SSBP2: variants seen among roughly 807,000 people sequenced by gnomAD.
The protein encoded by SSBP2 is single-stranded DNA-binding protein 2.
In SSBP2, 17 loss-of-function variants were observed where a neutral mutation model predicts 61.8. That is an observed-to-expected ratio of 0.28 (90% CI 0.19 to 0.41). The LOEUF is 0.41. SSBP2 is among the 10% of genes least tolerant of loss of function. SSBP2 has a pLI of 1.00. For missense variants in SSBP2, 310 were observed against 458.7 expected, an observed-to-expected ratio of 0.68 and a Z score of 2.96; for synonymous variants, 139 against 141.3, an observed-to-expected ratio of 0.98 and a Z score of 0.12.
At chr5:81,576,180 T>C (rs931768464) in intron 4 of SSBP2, among the ~76,000 whole-genome samples, 2 of 151,608 alleles carry the variant, frequency 1.3e-5, no homozygotes, top group African/African-American at 4.8e-5. Context: ...TCTTCCTCTA[T>C]CAGGCTTCTT....
At chr5:81,627,735 G>A (rs1282844686) in intron 3 of SSBP2, among the ~76,000 whole-genome samples, 1 of 151,990 alleles carries the variant, frequency 6.6e-6, no homozygotes, top group East Asian at 1.9e-4. Context: ...ACTTTAAAAG[G>A]TGCTCTATAT....
chr5:81,726,546 A>G (rs932480094), intron 1 of SSBP2, among the ~76,000 whole-genome samples: 2 of 152,228 alleles, frequency 1.3e-5, no homozygotes, highest in African/African-American at 2.4e-5. Flanking sequence ...GCATACTATT[A>G]CCAACTGAAG....
At chr5:81,445,799 A>T (rs1194843602) in intron 12 of SSBP2, among the ~76,000 whole-genome samples, 1 of 152,198 alleles carries the variant, frequency 6.6e-6, no homozygotes, top group Non-Finnish European at 1.5e-5. Context: ...CTTTATAATT[A>T]TTAAAATTTC....
intron 4 of SSBP2, among the ~76,000 whole-genome samples, chr5:81,593,203 T>G (rs958313369): frequency 6.6e-6 from 1 of 152,116 alleles, no homozygotes. Flanking sequence ...TGCAGAAGCC[T>G]CAGTAGCCGA....
At chr5:81,693,932 C>A (rs770333283) in intron 1 of SSBP2, among the ~76,000 whole-genome samples, 6 of 152,108 alleles carry the variant, frequency 3.9e-5, no homozygotes, top group African/African-American at 1.4e-4. Flanking sequence ...GCAATCTTAG[C>A]GTCCATCAAC....
chr5:81,640,501 C>T (rs180994098), intron 2 of SSBP2, among the ~76,000 whole-genome samples: 39 of 152,072 alleles, frequency 2.6e-4, no homozygotes, highest in African/African-American at 8.9e-4. Context: ...TTTAATTATC[C>T]TAAGTGGTAA....
At chr5:81,746,412 C>T (rs953821598) in intron 1 of SSBP2, among the ~76,000 whole-genome samples, 3 of 152,020 alleles carry the variant, frequency 2.0e-5, no homozygotes, top group African/African-American at 7.2e-5. Context: ...CTGAATTGTG[C>T]GAATTGCTGT....
At chr5:81,632,176 T>A (rs1747791924) in intron 3 of SSBP2, among the ~76,000 whole-genome samples, 1 of 152,240 alleles carries the variant, frequency 6.6e-6, no homozygotes. Flanking sequence ...ATTTCTTTTG[T>A]CATTATATAG....
At chr5:81,685,124 C>T (rs1365627362) in intron 1 of SSBP2, among the ~76,000 whole-genome samples, 1 of 152,140 alleles carries the variant, frequency 6.6e-6, no homozygotes, top group East Asian at 1.9e-4. Context: ...AAGGTGCTTG[C>T]TTCCCCTTCA....
chr5:81,460,121 C>T (rs139661530), intron 10 of SSBP2, among the ~76,000 whole-genome samples: 273 of 152,294 alleles, frequency 1.8e-3, no homozygotes, highest in African/African-American at 6.4e-3. Flanking sequence ...TCTTCCTATA[C>T]CCTAACCTTA....
At chr5:81,710,545 GTATAA>G in intron 1 of SSBP2, 1 of 342,136 alleles carries the variant, frequency 2.9e-6, no homozygotes, top group Non-Finnish European at 5.7e-6. Context: ...AGAAGCCAAA[GTATAA>G]TATGAGGGGC....
intron 1 of SSBP2, among the ~76,000 whole-genome samples, chr5:81,664,753 TG>T (rs1750971377): frequency 2.0e-5 from 3 of 152,282 alleles, no homozygotes; most frequent in Admixed American, 2.0e-4. Context: ...CTTGTTTAAT[TG>T]GGGTGACAGA....
chr5:81,517,898 A>T (rs1769158552), intron 4 of SSBP2, among the ~76,000 whole-genome samples: 1 of 152,042 alleles, frequency 6.6e-6, no homozygotes, highest in Non-Finnish European at 1.5e-5. Flanking sequence ...GGTCTCTGGT[A>T]GGGAAAAAAA....
At chr5:81,559,821 T>TA (rs540791739) in intron 4 of SSBP2, among the ~76,000 whole-genome samples, 20 of 151,958 alleles carry the variant, frequency 1.3e-4, no homozygotes, top group African/African-American at 2.7e-4. Context: ...TCAAAAAAAC[T>TA]AAAAAAACAG....
chr5:81,722,178 AT>A (rs1202923011), intron 1 of SSBP2, among the ~76,000 whole-genome samples: 1 of 152,058 alleles, frequency 6.6e-6, no homozygotes, highest in African/African-American at 2.4e-5. Flanking sequence ...AGCAAAAAGA[AT>A]ACAAAATATC....
chr5:81,658,996 G>C (rs1414809568), intron 1 of SSBP2, among the ~76,000 whole-genome samples: 1 of 152,088 alleles, frequency 6.6e-6, no homozygotes, highest in Non-Finnish European at 1.5e-5. Flanking sequence ...CAATAAACTA[G>C]GTATTGATGG....
chr5:81,602,379 A>G (rs1025326303), intron 4 of SSBP2, among the ~76,000 whole-genome samples: 10 of 152,216 alleles, frequency 6.6e-5, no homozygotes, highest in African/African-American at 2.2e-4. Context: ...CTCAGGCAGA[A>G]GTCCTTCTCT....
At position 81,623,331 on chromosome 5, in the gene SSBP2, C is replaced by CTT. The variant is rs35687529; in HGVS notation, c.198-7776_198-7775dup. Among the ~76,000 whole-genome samples, 1,084 of 110,580 alleles carry CTT rather than the reference C, an allele frequency of 9.8e-3. 18 individuals carry two copies. The highest frequency in any genetic ancestry group is 0.015 in the Middle Eastern group (3 of 198). The allele number at this position is 110,580 out of a possible 152,430, so 72.5% of individuals were successfully genotyped here. A position where few individuals can be genotyped will look rare whatever the true frequency, so the allele number is the denominator to read the frequency against. ...TTACTTTTATAATTCCATTGTAGTA[C>CTT]TTTTTTTTTTTTTTTTTTTTTTGAG... On this transcript the variant is annotated intron_variant, in intron 3 of 16. Coordinates refer to ENST00000320672, the MANE Select transcript of SSBP2 (RefSeq NM_012446.5).
intron 6 of SSBP2, among the ~76,000 whole-genome samples, chr5:81,485,903 C>T (rs755446025): frequency 3.3e-5 from 5 of 152,072 alleles, no homozygotes; most frequent in Non-Finnish European, 7.4e-5. Context: ...ATTGAGAAAC[C>T]GTGTTTATGC....
Sources: gnomAD v4.1 joint callset for allele counts (sites outside exome capture counted in the v4.1 genomes callset) on GRCh38, gnomAD v4.1.1 for gene constraint, MANE v1.5 for transcripts, NCBI Gene and HGNC (gene_info 2026-07-23, HGNC 2026-07-21) for gene names.